Variants in CRTAC1 observed in about 807,000 individuals in gnomAD.
The protein encoded by CRTAC1 is acidic secreted protein in cartilage.
In CRTAC1, 37 loss-of-function variants were observed where a neutral mutation model predicts 67.8. The observed-to-expected ratio is 0.55, with a 90% CI of 0.42 to 0.72. The LOEUF is 0.72. Ranked by LOEUF, CRTAC1 falls within the 30% of genes least tolerant of loss-of-function variation. CRTAC1 has a pLI of 0.00. For missense variants in CRTAC1, 780 were observed against 931.6 expected (o/e 0.84, Z 2.12); for synonymous variants, 348 against 371.0 (o/e 0.94, Z 0.71).
chr10:98,005,051 A>C (rs1842756468), intron 2 of CRTAC1, among the ~76,000 whole-genome samples: 2 of 144,742 alleles, frequency 1.4e-5, no homozygotes, highest in Admixed American at 1.4e-4. Flanking sequence ...TTTTGCAACA[A>C]AATGTGCTTA....
intron 2 of CRTAC1, among the ~76,000 whole-genome samples, chr10:97,952,972 G>A (rs1331868357): frequency 6.6e-6 from 1 of 152,182 alleles, no homozygotes; most frequent in Non-Finnish European, 1.5e-5. Flanking sequence ...ATCCTTCCCA[G>A]TTCTGGAGCT....
chr10:98,016,523 G>A (rs1010828276), intron 1 of CRTAC1, among the ~76,000 whole-genome samples: 4 of 152,166 alleles, frequency 2.6e-5, no homozygotes, highest in African/African-American at 9.7e-5. Context: ...CTGAGAGCCT[G>A]CATTCCCAGG....
At chr10:97,974,719 G>A (rs1214069947) in intron 2 of CRTAC1, among the ~76,000 whole-genome samples, 1 of 152,152 alleles carries the variant, frequency 6.6e-6, no homozygotes, top group East Asian at 1.9e-4. Context: ...TCTGCCGGGA[G>A]CCCGGAGAAG....
intron 2 of CRTAC1, among the ~76,000 whole-genome samples, chr10:97,959,590 A>G (rs1050907574): frequency 6.6e-6 from 1 of 152,180 alleles, no homozygotes; most frequent in African/African-American, 2.4e-5. Context: ...TAAAAATGCT[A>G]TATAAACTGC....
intron 2 of CRTAC1, among the ~76,000 whole-genome samples, chr10:97,952,404 G>T (rs907965915): frequency 1.3e-5 from 2 of 151,352 alleles, no homozygotes; most frequent in South Asian, 4.2e-4. Context: ...GAGGCGAGTT[G>T]GTGGGCACCT....
At chr10:97,873,754 C>A (rs773699351) in intron 14 of CRTAC1, among the ~76,000 whole-genome samples, 4 of 152,212 alleles carry the variant, frequency 2.6e-5, no homozygotes, top group Non-Finnish European at 5.9e-5. Context: ...TTCCTGCTGG[C>A]AGGCAGGCTG....
intron 2 of CRTAC1, among the ~76,000 whole-genome samples, chr10:97,969,654 T>C (rs934265939): frequency 1.3e-5 from 2 of 152,078 alleles, no homozygotes; most frequent in African/African-American, 2.4e-5. Flanking sequence ...TCAGGAGTGA[T>C]GAGATAGACC....
intron 14 of CRTAC1, chr10:97,879,557 G>GGC: frequency 4.9e-6 from 6 of 1,217,810 alleles, no homozygotes; most frequent in Non-Finnish European, 6.6e-6. Context: ...CACCCCTGTT[G>GGC]TCCATTCAGA....
chr10:97,959,440 A>G (rs1230343373), intron 2 of CRTAC1, among the ~76,000 whole-genome samples: 2 of 152,156 alleles, frequency 1.3e-5, no homozygotes, highest in Non-Finnish European at 2.9e-5. Context: ...GCCCAGCTGG[A>G]AAATTCATTC....
chr10:97,877,348 A>G (rs1032825180), intron 14 of CRTAC1, among the ~76,000 whole-genome samples: 7 of 152,180 alleles, frequency 4.6e-5, no homozygotes, highest in Admixed American at 3.3e-4. Context: ...TTACCATTAC[A>G]TACCTAGAGC....
At chr10:97,890,353 C>T (rs2050351542) in intron 11 of CRTAC1, among the ~76,000 whole-genome samples, 1 of 152,176 alleles carries the variant, frequency 6.6e-6, no homozygotes, top group African/African-American at 2.4e-5. Context: ...AAGCAATCCT[C>T]CCTCCTTGGC....
intron 2 of CRTAC1, among the ~76,000 whole-genome samples, chr10:97,973,993 G>T: frequency 6.7e-6 from 1 of 149,196 alleles, no homozygotes. Flanking sequence ...AAAAAAAAAG[G>T]TTAAAAATGA....
At chr10:97,903,097 G>A (rs1030229569) in intron 7 of CRTAC1, among the ~76,000 whole-genome samples, 4 of 151,128 alleles carry the variant, frequency 2.6e-5, no homozygotes, top group African/African-American at 7.3e-5. Flanking sequence ...GATAAATAGG[G>A]CATTTATGTA....
intron 4 of CRTAC1, among the ~76,000 whole-genome samples, chr10:97,922,462 G>A (rs574226391): frequency 2.6e-5 from 4 of 152,302 alleles, no homozygotes; most frequent in South Asian, 4.1e-4. Context: ...TGTGGCAGCC[G>A]GGCAGCAGCT....
chr10:97,904,934 G>T, intron 6 of CRTAC1, 120 bp from the exon 7 acceptor site: 1 of 1,143,744 alleles, frequency 8.7e-7, no homozygotes. Context: ...GTTCCCGGGA[G>T]GAGATACGGG....
At chr10:97,921,984 G>A (rs1316213188) in intron 4 of CRTAC1, among the ~76,000 whole-genome samples, 1 of 151,760 alleles carries the variant, frequency 6.6e-6, no homozygotes, top group African/African-American at 2.4e-5. Flanking sequence ...TTAGGACAGA[G>A]TGCATCTCTT....
intron 1 of CRTAC1, among the ~76,000 whole-genome samples, chr10:98,011,971 G>A (rs945879858): frequency 1.3e-5 from 2 of 152,112 alleles, no homozygotes; most frequent in East Asian, 1.9e-4. Flanking sequence ...GTTCTCCTGT[G>A]GTACATACTC....
chr10:97,957,740 G>T (rs1438717951), intron 2 of CRTAC1, among the ~76,000 whole-genome samples: 2 of 152,250 alleles, frequency 1.3e-5, no homozygotes, highest in Non-Finnish European at 2.9e-5. Flanking sequence ...CTCTGGCATT[G>T]TCTGTGTATC....
intron 6 of CRTAC1, among the ~76,000 whole-genome samples, chr10:97,907,442 A>G (rs1037678734): frequency 3.3e-5 from 5 of 151,338 alleles, no homozygotes; most frequent in Non-Finnish European, 5.9e-5. Context: ...AAGGAGGAGG[A>G]GCACAGCTGG....
Sources: allele counts gnomAD v4.1 joint callset (sites outside exome capture counted in the v4.1 genomes callset), GRCh38; gene constraint gnomAD v4.1.1; transcripts MANE v1.5; gene names NCBI Gene and HGNC (gene_info 2026-07-23, HGNC 2026-07-21).